RGS12: variants seen among roughly 807,000 people sequenced by gnomAD.
The protein encoded by RGS12 is regulator of G-protein signaling 12.
Under a neutral mutation model 120.1 loss-of-function variants are expected in RGS12, and 66 were observed. The observed-to-expected ratio is 0.55, with a 90% CI of 0.45 to 0.67. The LOEUF (loss-of-function observed/expected upper bound fraction) is 0.67. Among genes scored for constraint, RGS12 ranks in the 30% least tolerant of loss-of-function variants. RGS12 has a pLI of 0.00. For synonymous variants in RGS12, 827 were observed against 804.7 expected, an observed-to-expected ratio of 1.03 and a Z score of -0.47; for missense variants, 1,859 against 1,957.7, an observed-to-expected ratio of 0.95 and a Z score of 0.95.
At chr4:3,334,918 C>A (rs185300391) in intron 2 of RGS12, among the ~76,000 whole-genome samples, 9 of 152,222 alleles carry the variant, frequency 5.9e-5, no homozygotes, top group Non-Finnish European at 1.0e-4. Context: ...TCCTGTGAAT[C>A]CACTTTTTCT....
At position 3,374,323 on chromosome 4, in the gene RGS12, T is replaced by C. The variant is rs904404128; in HGVS notation, c.1999-12093T>C. On this transcript the variant is annotated intron_variant, in intron 3 of 17. Coordinates refer to ENST00000336727, the MANE Select transcript of RGS12 (RefSeq NM_001394154.1). This position sits in a 1 kb window ranked among gnomAD's most constrained non-coding sequence, Gnocchi z 6.3. ...CCTCTCCTCCGACTCCACTGGCTTT[T>C]CACCACTGTCAGGTCTTCACGGGGG... 7.2e-5 allele frequency among the ~76,000 whole-genome samples: 11 copies of C among 152,192 alleles called. No individual in the cohort carries two copies. The highest frequency in any genetic ancestry group is 2.6e-4 in the Admixed American group (4 of 15,288).
chr4:3,421,947 C>T (rs776238926), intron 10 of RGS12, among the ~76,000 whole-genome samples: 6 of 152,216 alleles, frequency 3.9e-5, no homozygotes, highest in East Asian at 1.9e-4. Flanking sequence ...GCAGTGCCGA[C>T]GAAGTCACAG....
intron 4 of RGS12, among the ~76,000 whole-genome samples, chr4:3,405,150 C>T (rs888668692): frequency 3.3e-5 from 5 of 152,238 alleles, no homozygotes; most frequent in African/African-American, 9.6e-5. Flanking sequence ...AGGAAATCAT[C>T]AGAGGGTGCT....
At chr4:3,293,012 G>A (rs1260479451), upstream of RGS12, 15 of 149,792 alleles carry the variant, frequency 1.0e-4, no homozygotes, top group African/African-American at 3.4e-4. Flanking sequence ...CTCGACCCCG[G>A]GGGGCGGTGG....
Position 3,316,317 on chromosome 4 carries a change from AGG to A in RGS12, c.149_150del (p.Gly50GlufsTer19). The A allele has an allele frequency of 6.2e-7, 1 of 1,614,162 alleles. No individual in the cohort carries two copies. Among genetic ancestry groups the A allele is most frequent in the East Asian group, 2.2e-5 (1 of 44,884 alleles). On this transcript the variant is annotated frameshift_variant, in exon 2 of 18. Transcript: ENST00000336727. LOFTEE classifies it high-confidence loss of function. Reference sequence around the variant, plus strand: ...CCTGTGTGCTCAGCTGCGTCATGAGAGGGAGCCCTGCGGATTTCGTGGGCCTC... The same window carrying A: ...CCTGTGTGCTCAGCTGCGTCATGAGAGAGCCCTGCGGATTTCGTGGGCCTC... ...APCVLSCVMR[G>X]SPADFVGLRA...
chr4:3,309,692 C>CTCTGAGGAGAGCT (rs1724231752), intron 1 of RGS12, among the ~76,000 whole-genome samples: 1 of 98,168 alleles, frequency 1.0e-5, no homozygotes, highest in Non-Finnish European at 2.2e-5. Flanking sequence ...TGAGGGGAAC[C>CTCTGAGGAGAGCT]GTGCAGGGGA....
At chr4:3,347,834 G>A (rs542402203) in intron 3 of RGS12, among the ~76,000 whole-genome samples, 16 of 152,268 alleles carry the variant, frequency 1.1e-4, no homozygotes, top group Admixed American at 4.6e-4. Context: ...AGGAAATCTG[G>A]CTATTTCTGT....
chr4:3,301,933 C>A (rs754049544), intron 1 of RGS12, among the ~76,000 whole-genome samples: 1 of 151,818 alleles, frequency 6.6e-6, no homozygotes, highest in African/African-American at 2.4e-5. Context: ...GCATTTGGGG[C>A]GCACTCATAC....
chr4:3,331,162 A>G (rs570591209), intron 2 of RGS12, among the ~76,000 whole-genome samples: 6 of 152,180 alleles, frequency 3.9e-5, no homozygotes, highest in Non-Finnish European at 8.8e-5. Flanking sequence ...ACAAAAACAC[A>G]TATATTTAAT....
chr4:3,416,525 G>A (rs982591771), intron 7 of RGS12, among the ~76,000 whole-genome samples: 7 of 152,182 alleles, frequency 4.6e-5, no homozygotes, highest in African/African-American at 9.7e-5. Flanking sequence ...ATGTCGCTGC[G>A]GCACGTGGGT....
chr4:3,295,718 A>G (rs1413875178), intron 1 of RGS12, among the ~76,000 whole-genome samples: 1 of 152,048 alleles, frequency 6.6e-6, no homozygotes, highest in Non-Finnish European at 1.5e-5. Flanking sequence ...CAACAACAAC[A>G]ACAACAAAAA....
chr4:3,392,254 C>G (rs1283751262), intron 4 of RGS12, among the ~76,000 whole-genome samples: 2 of 152,194 alleles, frequency 1.3e-5, no homozygotes, highest in Non-Finnish European at 2.9e-5. Context: ...TCTGGGCATA[C>G]CACCTAACAG....
At chr4:3,319,335 G>A (rs977331420) in intron 2 of RGS12, among the ~76,000 whole-genome samples, 1 of 152,264 alleles carries the variant, frequency 6.6e-6, no homozygotes, top group South Asian at 2.1e-4. Context: ...CAGATTTCTC[G>A]TTTTATCTCC....
rs780632548 is a variant in RGS12 at position 3,316,477 on chromosome 4, G to A, written c.307G>A (p.Glu103Lys). Residue 103 changes from glutamate to lysine, a missense_variant, in exon 2 of 18, where the codon GAA becomes AAA. Physicochemically the swap from Glu to Lys is moderately conservative, Grantham distance 56. Coordinates refer to ENST00000336727, the MANE Select transcript of RGS12 (RefSeq NM_001394154.1). ...MVIAEGVGRF[E>K]SCSSDEEGGL... Reference sequence around the variant, plus strand: ...GATTGCTGAAGGCGTCGGCCGCTTCGAATCCTGTTCCAGTGATGAAGAAGG... The same window carrying A: ...GATTGCTGAAGGCGTCGGCCGCTTCAAATCCTGTTCCAGTGATGAAGAAGG... 27 of 1,614,000 alleles carry A rather than the reference G, an allele frequency of 1.7e-5. No individual in the cohort carries two copies. Among genetic ancestry groups the A allele is most frequent in the South Asian group, 8.8e-5 (8 of 91,074 alleles).
At position 3,317,104 on chromosome 4, in the gene RGS12, T is replaced by C; in HGVS notation, c.934T>C (p.Phe312Leu). ...CGTGTGCCCGGACGACCGGCGATTT[T>C]TCGGGTTGGTTACCATGCAGACGAA... ...SAVCPDDRRF[F>L]GLVTMQTNDD... is the part of the protein sequence containing the mutation. Residue 312 changes from phenylalanine (F) to leucine (L), a missense_variant, in exon 2 of 18, where the codon TTC (phenylalanine) becomes CTC (leucine). Physicochemically the swap from Phe to Leu is conservative, Grantham distance 22. Coordinates refer to ENST00000336727, the MANE Select transcript of RGS12 (RefSeq NM_001394154.1). 11 of 1,613,760 alleles carry C rather than the reference T, an allele frequency of 6.8e-6. No homozygotes were observed. Among genetic ancestry groups the C allele is most frequent in the Non-Finnish European group, 9.3e-6 (11 of 1,180,020 alleles).
intron 3 of RGS12, among the ~76,000 whole-genome samples, chr4:3,364,600 C>T (rs367833727): frequency 3.3e-5 from 5 of 152,066 alleles, no homozygotes; most frequent in East Asian, 1.9e-4. Flanking sequence ...GAGTGCCCGA[C>T]GCTCAGAGGG....
intron 2 of RGS12, among the ~76,000 whole-genome samples, chr4:3,331,489 C>A (rs1455492513): frequency 6.6e-6 from 1 of 152,118 alleles, no homozygotes; most frequent in Non-Finnish European, 1.5e-5. Flanking sequence ...TGGAAACAAA[C>A]TGTACTTACA....
chr4:3,428,922 G>T (rs544011298), intron 16 of RGS12, among the ~76,000 whole-genome samples: 1 of 152,284 alleles, frequency 6.6e-6, no homozygotes. Context: ...AGGCCTCCTA[G>T]GGCATCAGGG....
chr4:3,417,151 T>C (rs1722497531), intron 8 of RGS12, 59 bp downstream of exon 8: 4 of 1,490,154 alleles, frequency 2.7e-6, no homozygotes, highest in Non-Finnish European at 3.6e-6. Context: ...AGCTGAGAGC[T>C]GTTCTGTGGG....
Sources: allele counts gnomAD v4.1 joint callset (sites outside exome capture counted in the v4.1 genomes callset), GRCh38; gene constraint gnomAD v4.1.1; non-coding constraint Gnocchi (gnomAD v3.1); transcripts MANE v1.5; gene names NCBI Gene and HGNC (gene_info 2026-07-23, HGNC 2026-07-21).